Variants in EEF2 observed in about 807,000 individuals in gnomAD.
EEF2 encodes elongation factor 2.
Under a neutral mutation model 85.3 loss-of-function variants are expected in EEF2, and 21 were observed. The ratio of observed to expected loss-of-function variants is 0.25; its 90% CI spans 0.17 to 0.35. EEF2 has a LOEUF of 0.35. Among genes scored for constraint, EEF2 ranks in the 10% least tolerant of loss-of-function variants. The pLI is 1.00. For missense variants in EEF2, 825 were observed against 1,225.3 expected (o/e 0.67, Z 4.88); for synonymous variants, 723 against 508.8 (o/e 1.42, Z -5.67).
At position 3,980,573 on chromosome 19, in the gene EEF2, G is replaced by A. The variant is rs1333939354; in HGVS notation, c.1287C>T (p.Ile429=). ...TCCCAGGGGTATAGTTGGGCCCCAT[G>A]ATCCTGACCTTCAGGCCAGTGGAGA... is the stretch of plus-strand genomic sequence containing the variant. ...GLVSTGLKVR[I]MGPNYTPGKK... Residue 429 remains isoleucine, a synonymous_variant, in exon 9 of 15, where the codon ATC becomes ATT. Coordinates refer to ENST00000309311, the MANE Select transcript of EEF2 (RefSeq NM_001961.4). 2.5e-6 allele frequency: 4 copies of A among 1,614,110 alleles called. No homozygotes were observed. Among genetic ancestry groups the A allele is most frequent in the East Asian group, 2.2e-5 (1 of 44,898 alleles).
intron 1 of EEF2, 107 bp downstream of exon 1, chr19:3,985,271 T>C: frequency 8.0e-7 from 1 of 1,249,794 alleles, no homozygotes; most frequent in Non-Finnish European, 1.0e-6. Context: ...CCGCCGCCGC[T>C]ACGTCTCCTC....
chr19:3,978,759 C>T (rs575163421), intron 11 of EEF2, among the ~76,000 whole-genome samples: 18 of 130,768 alleles, frequency 1.4e-4, no homozygotes, highest in Non-Finnish European at 1.9e-4. Flanking sequence ...GCCAAGATCA[C>T]GCCATTGCAC....
rs1599189112 is a variant in EEF2 at position 3,976,379 on chromosome 19, G to C, written c.*175C>G. 4.2e-6 allele frequency: 2 copies of C among 475,166 alleles called. No individual in the cohort carries two copies. The highest frequency in any genetic ancestry group is 2.0e-5 in the South Asian group (1 of 49,042). The allele number at this position is 475,166 out of a possible 1,614,324, so 29.4% of individuals were successfully genotyped here. ...CCTCCGGACTCTGGAAATAAATATT[G>C]AAAGAAACGGCATCAAGTGTTATGG... is the stretch of plus-strand genomic sequence containing the variant. On this transcript the variant is annotated 3_prime_UTR_variant, in exon 15 of 15. Transcript: ENST00000309311.
chr19:3,982,924 C>T lies in EEF2; in HGVS notation c.495G>A (p.Leu165=), dbSNP rs772958138. Residue 165 remains leucine (L), a synonymous_variant, in exon 4 of 15, where the codon CTG becomes CTA. Coordinates refer to ENST00000309311, the MANE Select transcript of EEF2 (RefSeq NM_001961.4). ...LMMNKMDRAL[L]ELQLEPEELY... ...GCTCCTCGGGCTCCAGCTGCAGCTC[C>T]AGCAGGGCGCGGTCCATCTTGTTCA... 8 of 1,613,476 alleles carry T rather than the reference C, an allele frequency of 5.0e-6. No homozygotes were observed. The Admixed American group carries it at 1.2e-4, about 24-fold the overall frequency.
rs1410986661 is a variant in EEF2 at position 3,976,614 on chromosome 19, G to A, written c.2517C>T (p.Arg839=). The change falls in exon 15 of 15, where the codon CGC becomes CGT. Residue 839 remains arginine, a synonymous_variant. Transcript: ENST00000309311. The stretch of plus-strand genomic sequence containing the variant: ...TGCCTTCTTTCAGGCCCTTGCGCTT[G>A]CGGGTCTCCGCCACCACCTGGCTGG... ...SRPSQVVAET[R]KRKGLKEGIP... 1 of 1,610,878 alleles carries A rather than the reference G, an allele frequency of 6.2e-7. No homozygotes were observed. The highest frequency in any genetic ancestry group is 8.5e-7 in the Non-Finnish European group (1 of 1,178,838).
chr19:3,982,079 A>G, intron 5 of EEF2, 27 bp from the exon 6 acceptor site: 1 of 1,612,600 alleles, frequency 6.2e-7, no homozygotes, highest in Admixed American at 1.7e-5. Flanking sequence ...AAGCCAAATC[A>G]AGTTAGGGTC....
intron 1 of EEF2, 155 bp downstream of exon 1, chr19:3,985,223 T>C (rs1206044738): frequency 5.0e-6 from 4 of 801,610 alleles, no homozygotes; most frequent in Non-Finnish European, 7.0e-6. Context: ...CGCACAGACA[T>C]GGCGGCGGCC....
chr19:3,981,492 A>G, intron 6 of EEF2, 40 bp from the exon 7 acceptor site: 1 of 1,582,394 alleles, frequency 6.3e-7, no homozygotes, highest in Non-Finnish European at 8.7e-7. Flanking sequence ...CCATTTGGGA[A>G]CAGCAGGAGG....
chr19:3,976,322 A>T lies in EEF2; in HGVS notation c.*232T>A. ...CCGCCTCCCCCTCCCCGACCGGCCC[A>T]TTAAGTCCCTACTAAGAGGGCGTGT... On this transcript the variant is annotated 3_prime_UTR_variant, in exon 15 of 15. Transcript: ENST00000309311. The T allele has an allele frequency of 4.0e-6, 1 of 250,446 alleles. No homozygotes were observed. Among genetic ancestry groups the T allele is most frequent in the South Asian group, 3.2e-5 (1 of 30,952 alleles). The allele number at this position is 250,446 out of a possible 1,614,324, so 15.5% of individuals were successfully genotyped here. A position where few individuals can be genotyped will look rare whatever the true frequency, so the allele number is the denominator to read the frequency against.
intron 11 of EEF2, 60 bp downstream of exon 11, chr19:3,979,269 T>TA: frequency 7.2e-7 from 1 of 1,392,426 alleles, no homozygotes; most frequent in Non-Finnish European, 1.0e-6. Flanking sequence ...AGCTCAGCTT[T>TA]AAAGCAGAGG....
chr19:3,980,583 T>C lies in EEF2; in HGVS notation c.1277A>G (p.Lys426Arg). ...VFSGLVSTGL[K>R]VRIMGPNYTP... Reference sequence around the variant, plus strand: ...ATAGTTGGGCCCCATGATCCTGACCTTCAGGCCAGTGGAGACCAGCCCCGA... The same window carrying C: ...ATAGTTGGGCCCCATGATCCTGACCCTCAGGCCAGTGGAGACCAGCCCCGA... The change falls in exon 9 of 15, where the codon AAG (lysine) becomes AGG (arginine). Residue 426 changes from lysine (K) to arginine (R), a missense_variant. Physicochemically the swap from Lys to Arg is conservative, Grantham distance 26. Transcript: ENST00000309311. 1 of 1,614,178 alleles carries C rather than the reference T, an allele frequency of 6.2e-7. No individual in the cohort carries two copies. Among genetic ancestry groups the C allele is most frequent in the Non-Finnish European group, 8.5e-7 (1 of 1,180,016 alleles).
Position 3,984,356 on chromosome 19 carries a change from C to T in EEF2, c.4-6G>A. ...TGGTCTACCGTGAAGTTCACCTGGG[C>T]AAGACAAGGAGGCTCAGACCAGCTC... is the stretch of plus-strand genomic sequence containing the variant. On this transcript the variant is annotated splice_region_variant and splice_polypyrimidine_tract_variant and intron_variant, in intron 1 of 14. Coordinates refer to ENST00000309311, the MANE Select transcript of EEF2 (RefSeq NM_001961.4). The T allele has an allele frequency of 6.2e-7, 1 of 1,613,744 alleles. No homozygotes were observed. Among genetic ancestry groups the T allele is most frequent in the African/African-American group, 1.3e-5 (1 of 75,046 alleles).
At position 3,982,823 on chromosome 19, in the gene EEF2, G is replaced by C; in HGVS notation, c.596C>G (p.Pro199Arg). The change falls in exon 4 of 15, where the codon CCC (proline) becomes CGC (arginine). Residue 199 changes from proline to arginine, a missense_variant. Pro to Arg is a moderately radical substitution (Grantham distance 103). Transcript: ENST00000309311. ...GGGCCGTACCATGATGTTGCCCATG[G>C]GGCCGCTCTCGCCCTCGCCGTAGGT... ...ISTYGEGESGPMGNIMIDPVL... is the reference protein window; with the variant it reads ...ISTYGEGESGRMGNIMIDPVL... 3 of 1,611,548 alleles carry C rather than the reference G, an allele frequency of 1.9e-6. No homozygotes were observed. The highest frequency in any genetic ancestry group is 2.5e-6 in the Non-Finnish European group (3 of 1,179,388).
rs1183459327 is a variant in EEF2, at chr19:3,977,709, G to A, written c.2068-99C>T. The A allele has an allele frequency of 6.8e-7, 1 of 1,480,448 alleles. No individual in the cohort carries two copies. The highest frequency in any genetic ancestry group is 8.9e-7 in the Non-Finnish European group (1 of 1,119,488). The allele number at this position is 1,480,448 out of a possible 1,614,324, so 91.7% of individuals were successfully genotyped here. A position where few individuals can be genotyped will look rare whatever the true frequency, so the allele number is the denominator to read the frequency against. On this transcript the variant is annotated intron_variant, in intron 12 of 14. Transcript: ENST00000309311. The surrounding 1 kb of genome is among the most constrained non-coding windows in gnomAD (Gnocchi z 5.4). Reference sequence around the variant, plus strand: ...CAGGTCTCCACCAGGGGGACCTGGGGCCTTGCCCGCCTTGGCCCCATTAGG... The same window carrying A: ...CAGGTCTCCACCAGGGGGACCTGGGACCTTGCCCGCCTTGGCCCCATTAGG...
rs554892050 is a variant in EEF2, at chr19:3,978,322, T to G, written c.1714-150A>C. 4 of 637,742 alleles carry G rather than the reference T, an allele frequency of 6.3e-6. No individual in the cohort carries two copies. The Admixed American group carries it at 1.5e-4, about 23-fold the overall frequency. The allele number at this position is 637,742 out of a possible 1,614,324, so 39.5% of individuals were successfully genotyped here. ...GAACGAAGCGGAGTCAGTGTTGCAG[T>G]GCCAAGCGCATCTCACTCCAGACAA... On this transcript the variant is annotated intron_variant, in intron 11 of 14. Transcript: ENST00000309311.
rs745451916 is a variant in EEF2, at chr19:3,977,897, G to C, written c.1989C>G (p.Thr663=). The change falls in exon 12 of 15, where the codon ACC becomes ACG. Residue 663 remains threonine (T), a synonymous_variant. Coordinates refer to ENST00000309311, the MANE Select transcript of EEF2 (RefSeq NM_001961.4). This position sits in a 1 kb window ranked among gnomAD's most constrained non-coding sequence, Gnocchi z 5.4. Reference sequence around the variant, plus strand: ...GGTACTGCACACCCTTGGTGATGTCGGTGAGGATGTTGGGGCCGGTGCCGT... The same window carrying C: ...GGTACTGCACACCCTTGGTGATGTCCGTGAGGATGTTGGGGCCGGTGCCGT... The part of the protein sequence containing the change: ...GPDGTGPNIL[T]DITKGVQYLN... 3 of 1,613,670 alleles carry C rather than the reference G, an allele frequency of 1.9e-6. No individual in the cohort carries two copies. The highest frequency in any genetic ancestry group is 2.5e-6 in the Non-Finnish European group (3 of 1,179,962).
At position 3,984,635 on chromosome 19, in the gene EEF2, A is replaced by G. The variant is rs78493300; in HGVS notation, c.4-285T>C. Among the ~76,000 whole-genome samples, 104 of 152,284 alleles carry G rather than the reference A, an allele frequency of 6.8e-4. 2 individuals are homozygous for G. In the East Asian group the frequency reaches 0.018, roughly 26 times the overall value. On this transcript the variant is annotated intron_variant, in intron 1 of 14. Transcript: ENST00000309311. Reference sequence around the variant, plus strand: ...GATTTCCTTGATACCAGGTACAAATACTAAAGTCTCATTTGGGGCCAAACA... The same window carrying G: ...GATTTCCTTGATACCAGGTACAAATGCTAAAGTCTCATTTGGGGCCAAACA...
chr19:3,977,637 AGGGCC>A lies in EEF2; in HGVS notation c.2068-32_2068-28del. 1 of 1,495,334 alleles carries A rather than the reference AGGGCC, an allele frequency of 6.7e-7. No homozygotes were observed. Among genetic ancestry groups the A allele is most frequent in the South Asian group, 1.3e-5 (1 of 75,220 alleles). 92.6% of individuals were successfully genotyped at this position (1,495,334 alleles called of 1,614,324 possible). On this transcript the variant is annotated intron_variant, in intron 12 of 14. Transcript: ENST00000309311. The surrounding 1 kb of genome is among the most constrained non-coding windows in gnomAD (Gnocchi z 5.4). ...TGGGGGAGGGGGAGAGCCACCGTCA[AGGGCC>A]GGACACACCTCGGCTGCTTGCCCTC...
At position 3,977,572 on chromosome 19, in the gene EEF2, G is replaced by A. The variant is rs367985360; in HGVS notation, c.2106C>T (p.Phe702=). 13 of 1,564,958 alleles carry A rather than the reference G, an allele frequency of 8.3e-6. No individual in the cohort carries two copies. Among genetic ancestry groups the A allele is most frequent in the African/African-American group, 4.0e-5 (3 of 74,082 alleles). Reference sequence around the variant, plus strand: ...CGTGCAGGGTGACGTCGTGGACGTCGAAGCGCACACCCCGCATGTTCTCCT... The same window carrying A: ...CGTGCAGGGTGACGTCGTGGACGTCAAAGCGCACACCCCGCATGTTCTCCT... ...LCEENMRGVR[F]DVHDVTLHAD... The change falls in exon 13 of 15, where the codon TTC becomes TTT. Residue 702 remains phenylalanine (F), a synonymous_variant. Coordinates refer to ENST00000309311, the MANE Select transcript of EEF2 (RefSeq NM_001961.4). This position sits in a 1 kb window ranked among gnomAD's most constrained non-coding sequence, Gnocchi z 5.4.
Sources: allele counts gnomAD v4.1 joint callset (sites outside exome capture counted in the v4.1 genomes callset), GRCh38; gene constraint gnomAD v4.1.1; non-coding constraint Gnocchi (gnomAD v3.1); transcripts MANE v1.5; gene names NCBI Gene and HGNC (gene_info 2026-07-23, HGNC 2026-07-21).